MOB1A: variants seen among roughly 807,000 people sequenced by gnomAD.
MOB1A encodes MOB1 Mps One Binder homolog A.
Under a neutral mutation model 25.1 loss-of-function variants are expected in MOB1A, and 10 were observed. The observed-to-expected ratio is 0.40, with a 90% CI of 0.25 to 0.68. The LOEUF (loss-of-function observed/expected upper bound fraction) is 0.68, where lower values mean the gene tolerates loss of function less well. Ranked by LOEUF, MOB1A falls within the 30% of genes least tolerant of loss-of-function variation. The pLI, the probability that MOB1A is intolerant of heterozygous loss-of-function variation, is 0.40. For missense variants in MOB1A, 177 were observed against 256.3 expected (o/e 0.69, Z 2.11); for synonymous variants, 81 against 79.5 (o/e 1.02, Z -0.10).
rs375661134 is a variant in MOB1A, at chr2:74,165,177, AT to A, written c.409+40del. ...ACTCTATTTATATTAATAAAATAAA[AT>A]TTTAAAAAAAGAAAGAATACTTCGA... On this transcript the variant is annotated intron_variant, in intron 4 of 5. Coordinates refer to ENST00000396049, the MANE Select transcript of MOB1A (RefSeq NM_018221.5). 1,465 of 1,429,870 alleles carry A rather than the reference AT, an allele frequency of 1.0e-3. 12 individuals carry two copies. In the African/African-American group the frequency reaches 0.018, roughly 17 times the overall value. 88.6% of individuals were successfully genotyped at this position (1,429,870 alleles called of 1,614,324 possible).
At chr2:74,164,339 T>A (rs928573143) in intron 4 of MOB1A, 2 of 152,082 alleles carry the variant, frequency 1.3e-5, no homozygotes, top group African/African-American at 4.8e-5. Context: ...GCCAACATGG[T>A]GAAACCCCAT....
chr2:74,160,224 T>C (rs908173360), intron 4 of MOB1A, among the ~76,000 whole-genome samples: 1 of 152,194 alleles, frequency 6.6e-6, no homozygotes, highest in Non-Finnish European at 1.5e-5. Context: ...GGCTCGTGCC[T>C]GTAATCCAGC....
intron 2 of MOB1A, among the ~76,000 whole-genome samples, chr2:74,168,556 T>A (rs1693195252): frequency 6.6e-6 from 1 of 151,974 alleles, no homozygotes; most frequent in Non-Finnish European, 1.5e-5. Flanking sequence ...AGTGGAAGGA[T>A]CCCTTGAGAC....
intron 4 of MOB1A, among the ~76,000 whole-genome samples, 198 bp from the exon 5 acceptor site, chr2:74,159,452 A>AT (rs1340146768): frequency 6.6e-6 from 1 of 151,824 alleles, no homozygotes; most frequent in East Asian, 1.9e-4. Context: ...TGCCCAGCTA[A>AT]TTTTTTGTAT....
At chr2:74,159,285 T>C (rs375973331) in intron 4 of MOB1A, 31 bp from the exon 5 acceptor site, 1 of 1,594,094 alleles carries the variant, frequency 6.3e-7, no homozygotes. Context: ...GAAACAATTA[T>C]TTGGTTATCT....
chr2:74,174,302 A>C lies in MOB1A; in HGVS notation c.15-1550T>G, dbSNP rs374189721. Reference sequence around the variant, plus strand: ...AAAAAAAAAGAAAAGAAAAGAAAAAAGAAAATGGTGGAGCCAAGTGCAGTC... The same window carrying C: ...AAAAAAAAAGAAAAGAAAAGAAAAACGAAAATGGTGGAGCCAAGTGCAGTC... On this transcript the variant is annotated intron_variant, in intron 1 of 5. Transcript: ENST00000396049. Among the ~76,000 whole-genome samples, 39 of 151,970 alleles carry C rather than the reference A, an allele frequency of 2.6e-4. 1 individual carries two copies. The East Asian group carries it at 5.2e-3, about 20-fold the overall frequency.
intron 3 of MOB1A, among the ~76,000 whole-genome samples, chr2:74,166,808 C>A (rs72917181): frequency 6.6e-6 from 1 of 152,112 alleles, no homozygotes; most frequent in Non-Finnish European, 1.5e-5. Context: ...TGCAATCCAG[C>A]CTGGCAACAG....
rs1037129948 is a variant in MOB1A, at chr2:74,154,111, T to C, written c.*2457A>G. On this transcript the variant is annotated 3_prime_UTR_variant, in exon 6 of 6. Transcript: ENST00000396049. The stretch of plus-strand genomic sequence containing the variant: ...GAGAGGCTGGGGCAGGAGAATGGCA[T>C]GAACCTGGGAGGCAGAGCTTGCAGT... 2 of 148,912 alleles carry C rather than the reference T, an allele frequency of 1.3e-5. No homozygotes were observed. The highest frequency in any genetic ancestry group is 2.9e-5 in the Non-Finnish European group (2 of 67,854). 9.2% of individuals were successfully genotyped at this position (148,912 alleles called of 1,614,324 possible). A position where few individuals can be genotyped will look rare whatever the true frequency, so the allele number is the denominator to read the frequency against.
At chr2:74,172,806 G>A (rs558003096) in intron 1 of MOB1A, 54 bp from the exon 2 acceptor site, 3 of 1,530,028 alleles carry the variant, frequency 2.0e-6, no homozygotes, top group South Asian at 1.2e-5. Flanking sequence ...AGTAGAACAG[G>A]TAGAACAACA....
chr2:74,178,465 CT>C (rs568034646), intron 1 of MOB1A, among the ~76,000 whole-genome samples, 195 bp downstream of exon 1: 11 of 152,320 alleles, frequency 7.2e-5, no homozygotes, highest in African/African-American at 2.4e-4. Context: ...GCTCCGTTTC[CT>C]TTACTTCGAC....
At chr2:74,158,924 CA>C (rs1275985919) in intron 5 of MOB1A, 166 bp downstream of exon 5, 1 of 723,990 alleles carries the variant, frequency 1.4e-6, no homozygotes, top group African/African-American at 1.8e-5. Flanking sequence ...TATACTGCTG[CA>C]CACATCAATA....
chr2:74,159,312 T>C, intron 4 of MOB1A, 58 bp from the exon 5 acceptor site: 1 of 1,509,648 alleles, frequency 6.6e-7, no homozygotes, highest in Non-Finnish European at 9.1e-7. Flanking sequence ...AGAAAGTTGT[T>C]TATTTGTGAC....
At chr2:74,159,837 G>A (rs1050000323) in intron 4 of MOB1A, among the ~76,000 whole-genome samples, 5 of 120,296 alleles carry the variant, frequency 4.2e-5, no homozygotes, top group East Asian at 2.2e-4. Flanking sequence ...CCACCCCGGA[G>A]ACTGAGCCTC....
At chr2:74,172,397 C>G (rs1322602761) in intron 2 of MOB1A, among the ~76,000 whole-genome samples, 189 bp downstream of exon 2, 2 of 152,220 alleles carry the variant, frequency 1.3e-5, no homozygotes, top group African/African-American at 2.4e-5. Flanking sequence ...GCTCCCTCTA[C>G]TCAACCTCAC....
At position 74,156,466 on chromosome 2, in the gene MOB1A, C is replaced by G. The variant is rs1692810186; in HGVS notation, c.*102G>C. On this transcript the variant is annotated 3_prime_UTR_variant, in exon 6 of 6. Coordinates refer to ENST00000396049, the MANE Select transcript of MOB1A (RefSeq NM_018221.5). ...ACACAGGCAATGGGTATCTTTTTATCCTGTTTTCTTAAAGTTTGTATCACT... is the reference window on the plus strand; with the variant it reads ...ACACAGGCAATGGGTATCTTTTTATGCTGTTTTCTTAAAGTTTGTATCACT... 5 of 890,832 alleles carry G rather than the reference C, an allele frequency of 5.6e-6. No homozygotes were observed. The allele number at this position is 890,832 out of a possible 1,614,324, so 55.2% of individuals were successfully genotyped here. A position where few individuals can be genotyped will look rare whatever the true frequency, so the allele number is the denominator to read the frequency against.
chr2:74,167,562 T>C (rs1398443768), intron 2 of MOB1A, among the ~76,000 whole-genome samples: 2 of 152,164 alleles, frequency 1.3e-5, no homozygotes, highest in Non-Finnish European at 2.9e-5. Context: ...TTATATCCTT[T>C]GGATATACAA....
chr2:74,172,791 C>T, intron 1 of MOB1A, 39 bp from the exon 2 acceptor site: 1 of 1,581,642 alleles, frequency 6.3e-7, no homozygotes, highest in African/African-American at 1.3e-5. Context: ...ATTTTTAAGA[C>T]TGGAAGTAGA....
At chr2:74,158,180 C>CAA (rs58535875) in intron 5 of MOB1A, among the ~76,000 whole-genome samples, 66 of 83,332 alleles carry the variant, frequency 7.9e-4, no homozygotes, top group East Asian at 2.0e-3. Flanking sequence ...ACTCTGTCTC[C>CAA]AAAAAAAAAA....
At position 74,153,939 on chromosome 2, in the gene MOB1A, A is replaced by AT. The variant is rs1692728944; in HGVS notation, c.*2628dup. 1 of 152,250 alleles carries AT rather than the reference A, an allele frequency of 6.6e-6. No homozygotes were observed. The highest frequency in any genetic ancestry group is 1.5e-5 in the Non-Finnish European group (1 of 68,116). 9.4% of individuals were successfully genotyped at this position (152,250 alleles called of 1,614,324 possible). ...CACTTTGGGAGGCTGAGGCGGGCGG[A>AT]TTGCGAGGTAAGGAGATGGAGACCA... On this transcript the variant is annotated 3_prime_UTR_variant, in exon 6 of 6. Coordinates refer to ENST00000396049, the MANE Select transcript of MOB1A (RefSeq NM_018221.5).
Sources: allele counts gnomAD v4.1 joint callset (sites outside exome capture counted in the v4.1 genomes callset), GRCh38; gene constraint gnomAD v4.1.1; transcripts MANE v1.5; gene names NCBI Gene and HGNC (gene_info 2026-07-23, HGNC 2026-07-21).